The following IL1RAPL1 variants were observed in gnomAD, a reference collection of about 807,000 sequenced individuals.
IL1RAPL1 encodes the protein interleukin 1 receptor accessory protein like 1, also known as interleukin-1 receptor accessory protein-like 1.
Under a neutral mutation model 48.4 loss-of-function variants are expected in IL1RAPL1, and 3 were observed. That is an observed-to-expected ratio of 0.06 (90% CI 0.03 to 0.16). The LOEUF (loss-of-function observed/expected upper bound fraction) is 0.16. Ranked by LOEUF, IL1RAPL1 falls within the 10% of genes least tolerant of loss-of-function variation. The pLI is 1.00. For synonymous variants in IL1RAPL1, 185 were observed against 187.7 expected (o/e 0.99, Z 0.12); for missense variants, 349 against 530.6 (o/e 0.66, Z 3.36).
Position 29,917,698 on chromosome X carries a change from A to G in IL1RAPL1, c.911+102A>G, listed in dbSNP as rs1285038888. The G allele has an allele frequency of 2.4e-5, 15 of 617,220 alleles. No individual in the cohort carries two copies. In the Admixed American group the frequency reaches 4.6e-4, roughly 19 times the overall value. 50.9% of individuals were successfully genotyped at this position (617,220 alleles called of 1,213,427 possible). ...GATTTTTTTTTGTTTTACTAGTATC[A>G]TAATAAAAATACTACAATATTTAAT... On this transcript the variant is annotated intron_variant, in intron 7 of 10. Coordinates refer to ENST00000378993, the MANE Select transcript of IL1RAPL1 (RefSeq NM_014271.4).
At chrX:29,222,931 A>G (rs1249597373) in intron 2 of IL1RAPL1, among the ~76,000 whole-genome samples, 1 of 111,594 alleles carries the variant, frequency 9.0e-6, no homozygotes, top group African/African-American at 3.3e-5. Flanking sequence ...CACAAAACAG[A>G]TAAAATAAAA....
chrX:29,889,296 A>G (rs765028317), intron 6 of IL1RAPL1, among the ~76,000 whole-genome samples: 1 of 111,859 alleles, frequency 8.9e-6, no homozygotes, highest in African/African-American at 3.2e-5. Flanking sequence ...TTAATATCTG[A>G]CACAAACTTT....
intron 2 of IL1RAPL1, among the ~76,000 whole-genome samples, chrX:28,835,463 C>T (rs1305159229): frequency 9.0e-6 from 1 of 111,151 alleles, no homozygotes; most frequent in African/African-American, 3.3e-5. Flanking sequence ...TGGGAACTAT[C>T]TCGATTGCCC....
At chrX:29,355,309 A>G (rs1933287643) in intron 3 of IL1RAPL1, among the ~76,000 whole-genome samples, 1 of 111,907 alleles carries the variant, frequency 8.9e-6, no homozygotes, top group African/African-American at 3.2e-5. Context: ...TCTTAATATC[A>G]AATGCCATAG....
chrX:29,064,618 G>T (rs749898149), intron 2 of IL1RAPL1, among the ~76,000 whole-genome samples: 1 of 111,411 alleles, frequency 9.0e-6, no homozygotes, highest in Non-Finnish European at 1.9e-5. Context: ...GTCTCGCTCT[G>T]TCGTCCAGGC....
rs756881206 is a variant in IL1RAPL1, at chrX:28,900,590, G to T, written c.82+111165G>T. On this transcript the variant is annotated intron_variant, in intron 2 of 10. Coordinates refer to ENST00000378993, the MANE Select transcript of IL1RAPL1 (RefSeq NM_014271.4). The stretch of plus-strand genomic sequence containing the variant: ...ACATAGAATAACTAATAAGAAAAAT[G>T]GAATGACATAATTGACAATGTTTTA... 2.7e-5 allele frequency among the ~76,000 whole-genome samples: 3 copies of T among 112,007 alleles called. No homozygotes were observed. The South Asian group carries it at 1.1e-3, about 41-fold the overall frequency.
Position 29,599,709 on chromosome X carries a change from C to T in IL1RAPL1, c.704-68721C>T, listed in dbSNP as rs192970543. On this transcript the variant is annotated intron_variant, in intron 5 of 10. Transcript: ENST00000378993. Reference sequence around the variant, plus strand: ...CCAAACTTTTCAGAGGCTTTGTTCTCTTTTTTGAAATTCTTTTTTCTTTGT... The same window carrying T: ...CCAAACTTTTCAGAGGCTTTGTTCTTTTTTTTGAAATTCTTTTTTCTTTGT... 5.0e-3 allele frequency among the ~76,000 whole-genome samples: 557 copies of T among 112,029 alleles called. 2 individuals carry two copies. The highest frequency in any genetic ancestry group is 0.017 in the African/African-American group (522 of 30,881).
At chrX:29,352,383 G>A (rs1933242702) in intron 3 of IL1RAPL1, among the ~76,000 whole-genome samples, 1 of 111,652 alleles carries the variant, frequency 9.0e-6, no homozygotes, top group South Asian at 3.7e-4. Context: ...CTTGGCAGGT[G>A]CCTAAGGTAT....
chrX:29,223,789 C>T (rs983613654), intron 2 of IL1RAPL1, among the ~76,000 whole-genome samples: 7 of 110,464 alleles, frequency 6.3e-5, no homozygotes, highest in East Asian at 2.9e-4. Context: ...ATGATCCACC[C>T]GCCTCGTCCT....
At chrX:28,880,025 G>A (rs1006206451) in intron 2 of IL1RAPL1, among the ~76,000 whole-genome samples, 8 of 111,597 alleles carry the variant, frequency 7.2e-5, no homozygotes, top group African/African-American at 2.3e-4. Context: ...ACCTTGCTGC[G>A]AGATCCTGCT....
chrX:29,001,211 TA>T (rs1925844433), intron 2 of IL1RAPL1, among the ~76,000 whole-genome samples: 1 of 112,168 alleles, frequency 8.9e-6, no homozygotes, highest in Non-Finnish European at 1.9e-5. Flanking sequence ...GTAATCAAAA[TA>T]TTTTTTTGAA....
chrX:28,995,485 T>G (rs2147384519), intron 2 of IL1RAPL1, among the ~76,000 whole-genome samples: 1 of 111,287 alleles, frequency 9.0e-6, no homozygotes, highest in Admixed American at 9.7e-5. Context: ...TAGGAGAAAT[T>G]ACTTTGCTAG....
chrX:28,661,964 TAGG>T (rs1021798659), intron 1 of IL1RAPL1, among the ~76,000 whole-genome samples: 23 of 111,566 alleles, frequency 2.1e-4, no homozygotes, highest in African/African-American at 7.5e-4. Context: ...GACTTCTAAG[TAGG>T]AGAAGTATTA....
intron 2 of IL1RAPL1, among the ~76,000 whole-genome samples, chrX:28,805,657 C>G (rs1936721931): frequency 9.0e-6 from 1 of 110,914 alleles, no homozygotes; most frequent in African/African-American, 3.3e-5. Context: ...TGTATCCACT[C>G]AAATATACAC....
In IL1RAPL1 at chrX:29,183,122, C is replaced by T. The variant is rs188835853; in HGVS notation, c.83-99816C>T. Among the ~76,000 whole-genome samples, 4 of 111,742 alleles carry T rather than the reference C, an allele frequency of 3.6e-5. No individual in the cohort carries two copies. The East Asian group carries it at 1.1e-3, about 32-fold the overall frequency. ...CTAAGTTTTGGTTACTTGTTTACAG[C>T]AGCAATAGGAGATTAATTCATGTCC... On this transcript the variant is annotated intron_variant, in intron 2 of 10. Transcript: ENST00000378993.
intron 5 of IL1RAPL1, among the ~76,000 whole-genome samples, chrX:29,501,086 G>A (rs975642637): frequency 1.8e-5 from 2 of 111,761 alleles, no homozygotes; most frequent in African/African-American, 6.5e-5. Context: ...TTGGCCATTT[G>A]TATGTCTTCT....
chrX:29,076,259 T>G (rs184371675), intron 2 of IL1RAPL1, among the ~76,000 whole-genome samples: 6 of 112,120 alleles, frequency 5.4e-5, no homozygotes, highest in African/African-American at 1.9e-4. Context: ...TTTCCTTAAT[T>G]TATCTTCTTC....
chrX:29,769,514 A>G (rs148991115), intron 6 of IL1RAPL1, among the ~76,000 whole-genome samples: 4,537 of 83,246 alleles, frequency 0.055, 328 homozygotes, highest in African/African-American at 0.2. Context: ...TGCAATCTCG[A>G]CTCACTGCAA....
chrX:28,844,098 C>G (rs758869329), intron 2 of IL1RAPL1, among the ~76,000 whole-genome samples: 1 of 108,591 alleles, frequency 9.2e-6, no homozygotes, highest in South Asian at 4.2e-4. Context: ...TTTGTGATAT[C>G]TTTTCATTTT....
Sources: allele counts gnomAD v4.1 joint callset (sites outside exome capture counted in the v4.1 genomes callset), GRCh38; gene constraint gnomAD v4.1.1; transcripts MANE v1.5; gene names NCBI Gene and HGNC (gene_info 2026-07-23, HGNC 2026-07-21).